BCL7A: variants seen among roughly 807,000 people sequenced by gnomAD.
BCL7A encodes the protein B-cell CLL/lymphoma 7 protein family member A.
A neutral mutation model predicts 28.4 loss-of-function variants in BCL7A; 11 were observed. The observed-to-expected ratio is 0.39, with a 90% CI of 0.24 to 0.64. BCL7A has a LOEUF of 0.64. Ranked by LOEUF, BCL7A falls within the 30% of genes least tolerant of loss-of-function variation. BCL7A has a pLI of 0.50. For missense variants in BCL7A, 222 were observed against 274.8 expected, an observed-to-expected ratio of 0.81 and a Z score of 1.36; for synonymous variants, 123 against 103.3, an observed-to-expected ratio of 1.19 and a Z score of -1.15.
intron 4 of BCL7A, 87 bp from the exon 5 acceptor site, chr12:122,054,718 G>A: frequency 2.9e-6 from 4 of 1,373,376 alleles, no homozygotes; most frequent in South Asian, 2.6e-5. Flanking sequence ...AAAACTACCC[G>A]ATTCAAGGTA....
chr12:122,048,371 G>A (rs1224365035), intron 4 of BCL7A, among the ~76,000 whole-genome samples: 1 of 152,136 alleles, frequency 6.6e-6, no homozygotes, highest in South Asian at 2.1e-4. Context: ...CATAGTCACC[G>A]CTGTGATGGA....
intron 1 of BCL7A, among the ~76,000 whole-genome samples, chr12:122,024,857 G>A (rs2135836855): frequency 6.6e-6 from 1 of 152,196 alleles, no homozygotes; most frequent in South Asian, 2.1e-4. Flanking sequence ...GAGGGAAGCC[G>A]AAGTGTTTGG....
chr12:122,039,100 T>G (rs531723554), intron 3 of BCL7A, among the ~76,000 whole-genome samples: 4 of 151,882 alleles, frequency 2.6e-5, no homozygotes, highest in South Asian at 2.1e-4. Context: ...ATCGAGACCA[T>G]CCTGGCTAAC....
At chr12:122,055,269 A>G (rs1245118301) in intron 5 of BCL7A, among the ~76,000 whole-genome samples, 1 of 152,200 alleles carries the variant, frequency 6.6e-6, no homozygotes, top group Non-Finnish European at 1.5e-5. Flanking sequence ...GGTGACCTTT[A>G]GAGCTGGGAA....
intron 1 of BCL7A, 103 bp from the exon 2 acceptor site, chr12:122,030,597 C>T (rs1162249327): frequency 2.8e-6 from 3 of 1,085,828 alleles, no homozygotes; most frequent in African/African-American, 1.5e-5. Context: ...TTCCAACCCT[C>T]ATCTGTGTGA....
Position 122,022,130 on chromosome 12 carries a change from G to A in BCL7A, c.39G>A (p.Arg13=). Residue 13 remains arginine (R), a synonymous_variant, in exon 1 of 6, where the codon CGG becomes CGA. Transcript: ENST00000261822. Reference sequence around the variant, plus strand: ...CGGTTCGAGCCGAGACGAGGAGCCGGGCCAAAGATGATATCAAGAGGGTCA... The same window carrying A: ...CGGTTCGAGCCGAGACGAGGAGCCGAGCCAAAGATGATATCAAGAGGGTCA... ...GRSVRAETRS[R]AKDDIKRVMA... 6.3e-7 allele frequency: 1 copy of A among 1,587,188 alleles called. No homozygotes were observed. The highest frequency in any genetic ancestry group is 8.6e-7 in the Non-Finnish European group (1 of 1,165,738).
At chr12:122,025,810 G>A (rs2135838185) in intron 1 of BCL7A, among the ~76,000 whole-genome samples, 1 of 151,524 alleles carries the variant, frequency 6.6e-6, no homozygotes, top group South Asian at 2.1e-4. Context: ...AGCTGGATGT[G>A]GTGGTACACG....
chr12:122,022,031 C>G lies in BCL7A; in HGVS notation c.-61C>G. The G allele has an allele frequency of 2.1e-6, 3 of 1,460,470 alleles. No homozygotes were observed. The highest frequency in any genetic ancestry group is 2.8e-6 in the Non-Finnish European group (3 of 1,086,618). The allele number at this position is 1,460,470 out of a possible 1,614,324, so 90.5% of individuals were successfully genotyped here. A position where few individuals can be genotyped will look rare whatever the true frequency, so the allele number is the denominator to read the frequency against. ...GGCGGGCGGGCGCGAGTGTGGCCGC[C>G]GCGGAGCGCGAGCAGGACCCGGCGG... On this transcript the variant is annotated 5_prime_UTR_variant, in exon 1 of 6. Coordinates refer to ENST00000261822, the MANE Select transcript of BCL7A (RefSeq NM_001024808.3).
chr12:122,043,787 G>A, intron 3 of BCL7A, 99 bp from the exon 4 acceptor site: 1 of 1,295,992 alleles, frequency 7.7e-7, no homozygotes, highest in South Asian at 1.6e-5. Context: ...CTGCCATGGG[G>A]TTCCGGGCAT....
intron 4 of BCL7A, among the ~76,000 whole-genome samples, chr12:122,045,958 A>G (rs1007400815): frequency 6.8e-6 from 1 of 146,884 alleles, no homozygotes; most frequent in East Asian, 2.1e-4. Context: ...GCATGGTGGC[A>G]TGCGCCTGTA....
At chr12:122,045,600 T>C (rs1272713874) in intron 4 of BCL7A, among the ~76,000 whole-genome samples, 2 of 152,038 alleles carry the variant, frequency 1.3e-5, no homozygotes, top group Non-Finnish European at 2.9e-5. Context: ...AATATTTGTG[T>C]GTGTTTATTT....
At chr12:122,039,003 C>T (rs990699469) in intron 3 of BCL7A, among the ~76,000 whole-genome samples, 7 of 151,864 alleles carry the variant, frequency 4.6e-5, no homozygotes, top group African/African-American at 1.7e-4. Context: ...AGGGAGACCT[C>T]ATCTCTACAA....
At chr12:122,022,442 C>A (rs1461876858) in intron 1 of BCL7A, among the ~76,000 whole-genome samples, 3 of 144,674 alleles carry the variant, frequency 2.1e-5, no homozygotes, top group Non-Finnish European at 4.6e-5. Context: ...GCGGCGGGCG[C>A]CGGGGCCAGG....
chr12:122,022,949 T>C (rs1883504237), intron 1 of BCL7A, among the ~76,000 whole-genome samples: 1 of 152,198 alleles, frequency 6.6e-6, no homozygotes, highest in East Asian at 1.9e-4. Flanking sequence ...AAGCCGTTCG[T>C]CCTGGGCCGC....
Position 122,022,137 on chromosome 12 carries a change from G to A in BCL7A, c.46G>A (p.Asp16Asn), listed in dbSNP as rs765081306. ...VRAETRSRAK[D>N]DIKRVMAAIE... ...AGCCGAGACGAGGAGCCGGGCCAAA[G>A]ATGATATCAAGAGGGTCATGGCGGC... The change falls in exon 1 of 6, where the codon GAT becomes AAT. Residue 16 changes from aspartate to asparagine, a missense_variant. Physicochemically the swap from Asp to Asn is conservative, Grantham distance 23 (BLOSUM62 1). Coordinates refer to ENST00000261822, the MANE Select transcript of BCL7A (RefSeq NM_001024808.3). The A allele has an allele frequency of 6.3e-7, 1 of 1,586,520 alleles. No homozygotes were observed. Among genetic ancestry groups the A allele is most frequent in the Admixed American group, 1.7e-5 (1 of 58,700 alleles).
At position 122,059,830 on chromosome 12, in the gene BCL7A, G is replaced by A. The variant is rs1951906127; in HGVS notation, c.*667G>A. The A allele has an allele frequency of 4.3e-6, 1 of 232,132 alleles. No homozygotes were observed. Among genetic ancestry groups the A allele is most frequent in the Non-Finnish European group, 8.5e-6 (1 of 117,366 alleles). The allele number at this position is 232,132 out of a possible 1,614,324, so 14.4% of individuals were successfully genotyped here. A position where few individuals can be genotyped will look rare whatever the true frequency, so the allele number is the denominator to read the frequency against. On this transcript the variant is annotated 3_prime_UTR_variant, in exon 6 of 6. Coordinates refer to ENST00000261822, the MANE Select transcript of BCL7A (RefSeq NM_001024808.3). This position sits in a 1 kb window ranked among gnomAD's most constrained non-coding sequence, Gnocchi z 4.0. ...GGCACCAGGGCCCAAGGACGCGCAG[G>A]TGTTGGGGCACAGTCCCCAAGGGCT... is the stretch of plus-strand genomic sequence containing the variant.
At position 122,030,926 on chromosome 12, in the gene BCL7A, G is replaced by C; in HGVS notation, c.174+145G>C. On this transcript the variant is annotated intron_variant, in intron 2 of 5. Coordinates refer to ENST00000261822, the MANE Select transcript of BCL7A (RefSeq NM_001024808.3). ...GAGTAGAAGGACCCAGATTAGACCT[G>C]GGGAGGCTGCTGTACCAGTCCCCAC... 3 of 785,106 alleles carry C rather than the reference G, an allele frequency of 3.8e-6. No individual in the cohort carries two copies. In the Admixed American group the frequency reaches 6.9e-5, roughly 18 times the overall value. 48.6% of individuals were successfully genotyped at this position (785,106 alleles called of 1,614,324 possible).
At chr12:122,045,654 T>A (rs1021598946) in intron 4 of BCL7A, among the ~76,000 whole-genome samples, 1 of 152,184 alleles carries the variant, frequency 6.6e-6, no homozygotes. Context: ...AATACTGTCC[T>A]ATATATCCAC....
At chr12:122,041,388 G>A (rs900970618) in intron 3 of BCL7A, among the ~76,000 whole-genome samples, 1 of 152,178 alleles carries the variant, frequency 6.6e-6, no homozygotes, top group African/African-American at 2.4e-5. Flanking sequence ...GTTTACAAAA[G>A]TGGCCATCGC....
Sources: allele counts gnomAD v4.1 joint callset (sites outside exome capture counted in the v4.1 genomes callset), GRCh38; gene constraint gnomAD v4.1.1; non-coding constraint Gnocchi (gnomAD v3.1); transcripts MANE v1.5; gene names NCBI Gene and HGNC (gene_info 2026-07-23, HGNC 2026-07-21).